Variants in ARHGAP42 observed in about 807,000 individuals in gnomAD.
ARHGAP42 encodes the protein Rho GTPase activating protein 42.
ARHGAP42 carries 63 observed loss-of-function variants against 125.0 expected under a neutral mutation model. The ratio of observed to expected loss-of-function variants is 0.50; its 90% CI spans 0.41 to 0.62. The LOEUF is 0.62. ARHGAP42 is among the 20% of genes least tolerant of loss of function. The pLI is 0.00. For synonymous variants in ARHGAP42, 339 were observed against 351.0 expected (o/e 0.97, Z 0.38); for missense variants, 766 against 1,024.2 (o/e 0.75, Z 3.44).
chr11:100,809,903 T>G (rs1864094646), intron 3 of ARHGAP42, among the ~76,000 whole-genome samples: 2 of 151,616 alleles, frequency 1.3e-5, no homozygotes, highest in South Asian at 4.2e-4. Flanking sequence ...ATTGTGCCAC[T>G]GCACTCGAGC....
At chr11:100,903,117 G>GTGCACACACACACACACACA (rs1555021071) in intron 4 of ARHGAP42, among the ~76,000 whole-genome samples, 1 of 131,942 alleles carries the variant, frequency 7.6e-6, no homozygotes, top group African/African-American at 2.8e-5. Flanking sequence ...TCCAAGATGC[G>GTGCACACACACACACACACA]CACACACACA....
In ARHGAP42 at chr11:100,979,647, G is replaced by A. The variant is rs1254346919; in HGVS notation, c.2456+598G>A. Among the ~76,000 whole-genome samples, 7 of 151,482 alleles carry A rather than the reference G, an allele frequency of 4.6e-5. No homozygotes were observed. In the East Asian group the frequency reaches 1.4e-3, roughly 29 times the overall value. Reference sequence around the variant, plus strand: ...CAAATTTATTCTTGATCTACAGTGGGCTTCGGTTTTTAATTTGAATAATGG... The same window carrying A: ...CAAATTTATTCTTGATCTACAGTGGACTTCGGTTTTTAATTTGAATAATGG... On this transcript the variant is annotated intron_variant, in intron 22 of 23. Transcript: ENST00000298815.
chr11:100,722,455 C>T (rs61910479), intron 1 of ARHGAP42, among the ~76,000 whole-genome samples: 9,344 of 150,258 alleles, frequency 0.062, 406 homozygotes, highest in East Asian at 0.21. Context: ...TGCAGTGGCA[C>T]GATTGGCTCA....
chr11:100,888,232 CT>C (rs199640110), intron 4 of ARHGAP42, among the ~76,000 whole-genome samples: 14 of 127,972 alleles, frequency 1.1e-4, no homozygotes, highest in Admixed American at 9.1e-5. Flanking sequence ...ACAGCCTTTC[CT>C]TTTAAAAAAA....
At chr11:100,785,774 G>C (rs1287048639) in intron 2 of ARHGAP42, among the ~76,000 whole-genome samples, 1 of 152,164 alleles carries the variant, frequency 6.6e-6, no homozygotes, top group Non-Finnish European at 1.5e-5. Flanking sequence ...ATTACTCTTT[G>C]AGCATAAACA....
intron 4 of ARHGAP42, among the ~76,000 whole-genome samples, chr11:100,879,115 A>T (rs544338505): frequency 6.6e-6 from 1 of 152,136 alleles, no homozygotes; most frequent in Non-Finnish European, 1.5e-5. Context: ...ATCAACTAGG[A>T]TCTTATTAGA....
At chr11:100,817,554 ATCT>A (rs1257582016) in intron 3 of ARHGAP42, among the ~76,000 whole-genome samples, 1 of 152,140 alleles carries the variant, frequency 6.6e-6, no homozygotes, top group Non-Finnish European at 1.5e-5. Context: ...TGCAAGTATA[ATCT>A]TCTCCAATTT....
chr11:100,745,139 G>A (rs911213558), intron 1 of ARHGAP42, among the ~76,000 whole-genome samples: 6 of 152,170 alleles, frequency 3.9e-5, no homozygotes, highest in Admixed American at 6.6e-5. Context: ...AATAAGTCAG[G>A]GTGGAGAAGG....
chr11:100,873,856 C>T (rs552426664), intron 4 of ARHGAP42, among the ~76,000 whole-genome samples: 45 of 152,306 alleles, frequency 3.0e-4, no homozygotes, highest in Non-Finnish European at 5.6e-4. Context: ...CTCTAAGGCA[C>T]ATGCCCCTCA....
intron 17 of ARHGAP42, among the ~76,000 whole-genome samples, chr11:100,966,855 T>C (rs10895036): frequency 0.36 from 55,301 of 152,026 alleles, 11,700 homozygotes; most frequent in African/African-American, 0.57. Flanking sequence ...CTTAAGAATT[T>C]CCTGTAGCAT....
chr11:100,890,851 T>G (rs1866199825), intron 4 of ARHGAP42, among the ~76,000 whole-genome samples: 1 of 152,100 alleles, frequency 6.6e-6, no homozygotes, highest in Admixed American at 6.6e-5. Flanking sequence ...TAAAATAGTA[T>G]CGTGTTTAGA....
At chr11:100,968,811 C>T (rs572375058) in intron 17 of ARHGAP42, among the ~76,000 whole-genome samples, 1 of 151,940 alleles carries the variant, frequency 6.6e-6, no homozygotes, top group African/African-American at 2.4e-5. Flanking sequence ...GTTATAGGCC[C>T]AACAATATAA....
chr11:100,833,729 C>T (rs1864715622), intron 3 of ARHGAP42, among the ~76,000 whole-genome samples: 1 of 152,048 alleles, frequency 6.6e-6, no homozygotes, highest in Non-Finnish European at 1.5e-5. Flanking sequence ...CCTCGTATTG[C>T]TTTCTTTGAC....
At chr11:100,791,049 C>A (rs1863554812) in intron 2 of ARHGAP42, among the ~76,000 whole-genome samples, 1 of 152,128 alleles carries the variant, frequency 6.6e-6, no homozygotes, top group South Asian at 2.1e-4. Flanking sequence ...CTGTATAAAG[C>A]ACAGTGATGG....
At position 100,779,558 on chromosome 11, in the gene ARHGAP42, A is replaced by ATGCG. The variant is rs1565210743; in HGVS notation, c.250+9121_250+9122insGCGT. 3.5e-5 allele frequency among the ~76,000 whole-genome samples: 5 copies of ATGCG among 141,606 alleles called. No individual in the cohort carries two copies. In the South Asian group the frequency reaches 6.4e-4, roughly 18 times the overall value. The allele number at this position is 141,606 out of a possible 152,430, so 92.9% of individuals were successfully genotyped here. A position where few individuals can be genotyped will look rare whatever the true frequency, so the allele number is the denominator to read the frequency against. Reference sequence around the variant, plus strand: ...TATATACGTATATATATACATATACATACGTATATATACGTATATATACAT... The same window carrying ATGCG: ...TATATACGTATATATATACATATACATGCGTACGTATATATACGTATATATACAT... On this transcript the variant is annotated intron_variant, in intron 2 of 23. Coordinates refer to ENST00000298815, the MANE Select transcript of ARHGAP42 (RefSeq NM_152432.4).
chr11:100,774,835 C>G (rs543587630), intron 2 of ARHGAP42, among the ~76,000 whole-genome samples: 1 of 152,274 alleles, frequency 6.6e-6, no homozygotes, highest in East Asian at 1.9e-4. Context: ...TTCACTGGTT[C>G]CCTCTGCCTC....
At chr11:100,864,265 A>G (rs953235668) in intron 4 of ARHGAP42, among the ~76,000 whole-genome samples, 14 of 151,464 alleles carry the variant, frequency 9.2e-5, no homozygotes, top group African/African-American at 3.2e-4. Context: ...GCTCACTGCA[A>G]CCTCCACCTC....
chr11:100,771,685 G>A (rs1215167310), intron 2 of ARHGAP42, among the ~76,000 whole-genome samples: 5 of 151,556 alleles, frequency 3.3e-5, no homozygotes, highest in South Asian at 2.1e-4. Context: ...TGCACCCTCC[G>A]CTTCCCATGT....
In ARHGAP42 at chr11:100,779,467, A is replaced by AAT. The variant is rs1554996405; in HGVS notation, c.250+9047_250+9048dup. 6.2e-3 allele frequency among the ~76,000 whole-genome samples: 531 copies of AAT among 85,578 alleles called. 8 individuals carry two copies. Among genetic ancestry groups the AAT allele is most frequent in the African/African-American group, 0.01 (215 of 20,696 alleles). 56.1% of individuals were successfully genotyped at this position (85,578 alleles called of 152,430 possible). On this transcript the variant is annotated intron_variant, in intron 2 of 23. Transcript: ENST00000298815. Reference sequence around the variant, plus strand: ...TCTCAAAAAAAAAAAAAAAAAAAAAAATATATATATATATATATACACACA... The same window carrying AAT: ...TCTCAAAAAAAAAAAAAAAAAAAAAAATATATATATATATATATATACACACA...
Sources: allele counts gnomAD v4.1 joint callset (sites outside exome capture counted in the v4.1 genomes callset), GRCh38; gene constraint gnomAD v4.1.1; transcripts MANE v1.5; gene names NCBI Gene and HGNC (gene_info 2026-07-23, HGNC 2026-07-21).